Variants in ANK3 observed in about 807,000 individuals in gnomAD.
ANK3 encodes the protein ankyrin-3.
In ANK3, 57 loss-of-function variants were observed where a neutral mutation model predicts 370.9. The ratio of observed to expected loss-of-function variants is 0.15; its 90% confidence interval spans 0.12 to 0.19. ANK3 has a LOEUF of 0.19. ANK3 is among the 10% of genes least tolerant of loss of function. The probability of loss-of-function intolerance (pLI) is 1.00; values close to 1 mark genes in which losing one functional copy is unlikely to be tolerated. For synonymous variants in ANK3, 1,929 were observed against 1,946.3 expected (o/e 0.99, Z 0.23); for missense variants, 4,439 against 5,302.1 (o/e 0.84, Z 5.06).
intron 25 of ANK3, among the ~76,000 whole-genome samples, chr10:60,121,034 T>C (rs1297109572): frequency 1.3e-5 from 2 of 152,130 alleles, no homozygotes; most frequent in South Asian, 2.1e-4. Flanking sequence ...CTATTCACAA[T>C]AGCCAAGATT....
intron 8 of ANK3, among the ~76,000 whole-genome samples, chr10:60,223,559 A>G (rs911393670): frequency 3.3e-5 from 5 of 152,248 alleles, no homozygotes; most frequent in Non-Finnish European, 5.9e-5. Flanking sequence ...AATAAAAATT[A>G]CTGAGTAAAT....
intron 1 of ANK3, among the ~76,000 whole-genome samples, chr10:60,289,549 A>G (rs892611139): frequency 6.6e-6 from 1 of 151,716 alleles, no homozygotes; most frequent in Non-Finnish European, 1.5e-5. Flanking sequence ...AGTAGTTGGC[A>G]CCACCACACC....
At chr10:60,186,964 C>A (rs1372809586) in intron 16 of ANK3, 52 bp from the exon 17 acceptor site, 1 of 1,533,944 alleles carries the variant, frequency 6.5e-7, no homozygotes, top group Non-Finnish European at 9.0e-7. Flanking sequence ...TAAAAATGTG[C>A]ACAGTGCATT....
At chr10:60,341,514 C>T (rs2054275224) in intron 1 of ANK3, among the ~76,000 whole-genome samples, 1 of 152,062 alleles carries the variant, frequency 6.6e-6, no homozygotes, top group Non-Finnish European at 1.5e-5. Flanking sequence ...CTAAAATAAC[C>T]TAAATATGAA....
chr10:60,394,086 C>T (rs138318117), upstream of ANK3, among the ~76,000 whole-genome samples: 7 of 150,420 alleles, frequency 4.7e-5, no homozygotes, highest in Non-Finnish European at 7.4e-5. Flanking sequence ...AGAGCAGCCT[C>T]GCCATAAGAG....
At chr10:60,398,822 A>T (rs1402560622) in intron 2 of ANK3, among the ~76,000 whole-genome samples, 3 of 152,210 alleles carry the variant, frequency 2.0e-5, no homozygotes, top group Non-Finnish European at 4.4e-5. Context: ...CCCTGGAGTG[A>T]ACCTCTAACA....
rs2082273759 is a variant in ANK3 at position 60,069,406 on chromosome 10, T to C, written c.11475A>G (p.Lys3825=). Reference sequence around the variant, plus strand: ...CCCCTGTCTTTTTTCCTGATGAGACTTTCACTGGGTTATCTTTCTCTGTGG... The same window carrying C: ...CCCCTGTCTTTTTTCCTGATGAGACCTTCACTGGGTTATCTTTCTCTGTGG... ...TCTTEKDNPV[K]VSSGKKTGVL... Residue 3825 remains lysine (K), a synonymous_variant, in exon 37 of 44, where the codon AAA becomes AAG. Transcript: ENST00000280772. The C allele has an allele frequency of 1.9e-6, 3 of 1,613,996 alleles. No homozygotes were observed. The South Asian group carries it at 3.3e-5, about 18-fold the overall frequency.
chr10:60,106,464 T>G (rs140974428), intron 27 of ANK3, among the ~76,000 whole-genome samples: 226 of 152,208 alleles, frequency 1.5e-3, no homozygotes, highest in African/African-American at 4.9e-3. Context: ...TAAAAAAAAA[T>G]TCTATAAAGT....
intron 2 of ANK3, among the ~76,000 whole-genome samples, chr10:60,481,345 G>T (rs2075210237): frequency 6.6e-6 from 1 of 152,162 alleles, no homozygotes; most frequent in African/African-American, 2.4e-5. Context: ...CACTGTATCT[G>T]CCAGCATGAC....
At chr10:60,652,081 G>A (rs2078796027) in intron 1 of ANK3, among the ~76,000 whole-genome samples, 1 of 152,084 alleles carries the variant, frequency 6.6e-6, no homozygotes, top group African/African-American at 2.4e-5. Flanking sequence ...AATAGTCTGG[G>A]GACAGTGGCT....
intron 2 of ANK3, chr10:60,572,979 C>A (rs2077633868): frequency 1.0e-6 from 1 of 987,864 alleles, no homozygotes; most frequent in South Asian, 4.7e-5. Flanking sequence ...CCGAAGCCTT[C>A]CCAGGGGCTG....
intron 8 of ANK3, among the ~76,000 whole-genome samples, chr10:60,223,196 C>T (rs1305663015): frequency 6.6e-6 from 1 of 152,222 alleles, no homozygotes; most frequent in Non-Finnish European, 1.5e-5. Context: ...CCACTCTTAT[C>T]AATCTGACCT....
chr10:60,346,134 A>T (rs1320181663), intron 1 of ANK3, among the ~76,000 whole-genome samples: 2 of 152,100 alleles, frequency 1.3e-5, no homozygotes, highest in East Asian at 1.9e-4. Flanking sequence ...TTAAAAATAC[A>T]TGTATACAAA....
At position 60,071,384 on chromosome 10, in the gene ANK3, G is replaced by A. The variant is rs1475291460; in HGVS notation, c.9497C>T (p.Pro3166Leu). The A allele has an allele frequency of 6.2e-7, 1 of 1,613,942 alleles. No individual in the cohort carries two copies. Among genetic ancestry groups the A allele is most frequent in the Admixed American group, 1.7e-5 (1 of 59,968 alleles). The change falls in exon 37 of 44, where the codon CCT (proline) becomes CTT (leucine). Residue 3166 changes from proline to leucine, a missense_variant. By Grantham distance (98) the Pro-to-Leu change is moderately conservative (BLOSUM62 -3). This residue lies in a region of ANK3 where 1,601 missense variants were observed against 1,731.7 expected (regional missense o/e 0.92). Coordinates refer to ENST00000280772, the MANE Select transcript of ANK3 (RefSeq NM_020987.5). ...TGAACTGGGTGTTTCTGGGGTTAAA[G>A]GGCTTTTCCCAGAGCTGTCTAGAAA... is the stretch of plus-strand genomic sequence containing the variant. ...VSFLDSSGKS[P>L]LTPETPSSEE... is the part of the protein sequence containing the mutation.
intron 1 of ANK3, among the ~76,000 whole-genome samples, chr10:60,695,214 A>G (rs2079427730): frequency 6.6e-6 from 1 of 152,192 alleles, no homozygotes; most frequent in African/African-American, 2.4e-5. Context: ...TCCTAAATAT[A>G]TATGCACCCA....
intron 2 of ANK3, among the ~76,000 whole-genome samples, chr10:60,428,948 G>T (rs1024857819): frequency 2.6e-5 from 4 of 152,144 alleles, no homozygotes; most frequent in African/African-American, 9.7e-5. Context: ...CAAATCTTCA[G>T]GAATAAGGGC....
chr10:60,407,351 G>A (rs145759556), intron 2 of ANK3, among the ~76,000 whole-genome samples: 26 of 152,278 alleles, frequency 1.7e-4, no homozygotes, highest in East Asian at 7.7e-4. Context: ...AAATGTTAGC[G>A]ATAATTATAA....
At chr10:60,301,181 A>G (rs1015140123) in intron 1 of ANK3, among the ~76,000 whole-genome samples, 2 of 148,088 alleles carry the variant, frequency 1.4e-5, no homozygotes, top group African/African-American at 4.9e-5. Flanking sequence ...CACACTATAT[A>G]TAATCTATGT....
Position 60,059,412 on chromosome 10 carries a change from G to A in ANK3, c.12614C>T (p.Ser4205Leu). ...AGCGCAGGACTCTAGGTTTCCACTT[G>A]ATGTCTCATTCTGCCAACCTGTAAT... ...DPVDGWQNET[S>L]SGNLESCAQA... The change falls in exon 41 of 44, where the codon TCA becomes TTA. Residue 4205 changes from serine to leucine, a missense_variant. Physicochemically the swap from Ser to Leu is moderately radical, Grantham distance 145. This residue lies in a region of ANK3 where 242 missense variants were observed against 228.0 expected (regional missense o/e 1.06). Coordinates refer to ENST00000280772, the MANE Select transcript of ANK3 (RefSeq NM_020987.5). 6.2e-7 allele frequency: 1 copy of A among 1,614,014 alleles called. No individual in the cohort carries two copies. The highest frequency in any genetic ancestry group is 8.5e-7 in the Non-Finnish European group (1 of 1,179,944).
Sources: allele counts gnomAD v4.1 joint callset (sites outside exome capture counted in the v4.1 genomes callset), GRCh38; gene constraint gnomAD v4.1.1; regional missense constraint gnomAD v4.1.1; transcripts MANE v1.5; gene names NCBI Gene and HGNC (gene_info 2026-07-23, HGNC 2026-07-21).